The following VPS8 variants were observed in gnomAD, a reference collection of about 807,000 sequenced individuals.
The protein encoded by VPS8 is VPS8 subunit of CORVET complex, also known as vacuolar protein sorting-associated protein 8 homolog.
In VPS8, 129 loss-of-function variants were observed where a neutral mutation model predicts 216.4. That is an observed-to-expected ratio of 0.60 (90% CI 0.52 to 0.69). The LOEUF (loss-of-function observed/expected upper bound fraction) is 0.69, where lower values mean the gene tolerates loss of function less well. VPS8 is among the 30% of genes least tolerant of loss of function. The pLI, the probability that VPS8 is intolerant of heterozygous loss-of-function variation, is 0.00. For synonymous variants in VPS8, 571 were observed against 565.4 expected (o/e 1.01, Z -0.14); for missense variants, 1,531 against 1,683.5 (o/e 0.91, Z 1.59).
intron 40 of VPS8, among the ~76,000 whole-genome samples, chr3:184,977,297 A>G (rs1749434741): frequency 6.6e-6 from 1 of 152,060 alleles, no homozygotes; most frequent in South Asian, 2.1e-4. Flanking sequence ...CCCACTTTGT[A>G]ATGGAGTTAT....
At chr3:184,858,247 T>G (rs1215450226) in intron 14 of VPS8, among the ~76,000 whole-genome samples, 1 of 152,168 alleles carries the variant, frequency 6.6e-6, no homozygotes, top group Non-Finnish European at 1.5e-5. Flanking sequence ...TACATATAAA[T>G]AAAAGATTGA....
At chr3:184,825,660 A>T (rs940104782) in intron 2 of VPS8, among the ~76,000 whole-genome samples, 2 of 152,148 alleles carry the variant, frequency 1.3e-5, no homozygotes, top group African/African-American at 4.8e-5. Flanking sequence ...CCAGCACTTT[A>T]TGAGGCCGAG....
At chr3:185,029,164 C>T (rs1361333341) in intron 46 of VPS8, among the ~76,000 whole-genome samples, 4 of 152,156 alleles carry the variant, frequency 2.6e-5, no homozygotes, top group African/African-American at 7.2e-5. Flanking sequence ...TGCTTGTATG[C>T]TCATGTACAT....
intron 7 of VPS8, among the ~76,000 whole-genome samples, chr3:184,842,978 G>T (rs1577848571): frequency 6.7e-6 from 1 of 149,106 alleles, no homozygotes; most frequent in Non-Finnish European, 1.5e-5. Context: ...TTTTGAAATT[G>T]TTTTTGTTTT....
chr3:185,039,006 G>A (rs1195546095), intron 46 of VPS8, among the ~76,000 whole-genome samples: 2 of 152,176 alleles, frequency 1.3e-5, no homozygotes, highest in Non-Finnish European at 2.9e-5. Flanking sequence ...CAACATGGAT[G>A]GCAGGATGAA....
intron 22 of VPS8, among the ~76,000 whole-genome samples, chr3:184,887,965 T>C (rs551362598): frequency 4.7e-4 from 71 of 151,954 alleles, no homozygotes; most frequent in Non-Finnish European, 9.0e-4. Flanking sequence ...GTGTTTACAG[T>C]AGGGATCTTG....
At chr3:184,991,591 G>A (rs139596214) in intron 42 of VPS8, among the ~76,000 whole-genome samples, 393 of 152,078 alleles carry the variant, frequency 2.6e-3, no homozygotes, top group African/African-American at 9.2e-3. Context: ...CACCCTTGTC[G>A]AAAACACATG....
intron 36 of VPS8, among the ~76,000 whole-genome samples, chr3:184,951,521 C>A (rs1215380897): frequency 6.6e-6 from 1 of 151,018 alleles, no homozygotes; most frequent in African/African-American, 2.4e-5. Context: ...TTTTTCAAAA[C>A]TGATATATAT....
At chr3:185,000,350 G>A (rs957076065) in intron 45 of VPS8, among the ~76,000 whole-genome samples, 1 of 152,134 alleles carries the variant, frequency 6.6e-6, no homozygotes, top group African/African-American at 2.4e-5. Context: ...TTTTTTTAAA[G>A]CAGACAGTGG....
rs576296430 is a variant in VPS8 at position 184,929,933 on chromosome 3, A to C, written c.2799+269A>C. 7.9e-5 allele frequency among the ~76,000 whole-genome samples: 12 copies of C among 152,316 alleles called. No homozygotes were observed. The South Asian group carries it at 2.5e-3, about 32-fold the overall frequency. ...AGAGGATGATGGGGAACTGACTTAC[A>C]CAGAGTAGCCAGGGAAGGAATTTCA... On this transcript the variant is annotated intron_variant, in intron 33 of 47. Transcript: ENST00000625842.
At chr3:185,048,634 A>T (rs968727623) in intron 47 of VPS8, 75 bp downstream of exon 47, 1 of 1,528,874 alleles carries the variant, frequency 6.5e-7, no homozygotes, top group African/African-American at 1.4e-5. Context: ...AGTGTCTTGG[A>T]ACCTCCCTCT....
chr3:185,027,753 G>A (rs1359632673), intron 46 of VPS8, among the ~76,000 whole-genome samples: 1 of 152,112 alleles, frequency 6.6e-6, no homozygotes, highest in Non-Finnish European at 1.5e-5. Flanking sequence ...ACATCTGTCA[G>A]GGATGTGACA....
At chr3:184,821,807 G>A (rs914870418) in intron 1 of VPS8, among the ~76,000 whole-genome samples, 7 of 152,146 alleles carry the variant, frequency 4.6e-5, no homozygotes, top group South Asian at 2.1e-4. Flanking sequence ...AGCGAGCTGG[G>A]TGGGGAATGT....
chr3:184,824,439 T>G (rs1230038609), intron 1 of VPS8, 106 bp from the exon 2 acceptor site: 1 of 586,860 alleles, frequency 1.7e-6, no homozygotes, highest in Non-Finnish European at 2.9e-6. Flanking sequence ...AATCGGATGT[T>G]TAGGTGAAAT....
intron 27 of VPS8, 133 bp downstream of exon 27, chr3:184,915,186 A>G: frequency 7.6e-7 from 1 of 1,322,998 alleles, no homozygotes; most frequent in Non-Finnish European, 1.0e-6. Context: ...ACACACTATT[A>G]CTAAAGTCAA....
At chr3:185,013,200 C>T (rs112850492) in intron 45 of VPS8, among the ~76,000 whole-genome samples, 2,914 of 152,296 alleles carry the variant, frequency 0.019, 42 homozygotes, top group South Asian at 0.035. Flanking sequence ...TCATGGCCAT[C>T]ATGAGCATGT....
chr3:184,889,812 A>G (rs566246230), intron 22 of VPS8, among the ~76,000 whole-genome samples: 1 of 152,202 alleles, frequency 6.6e-6, no homozygotes, highest in Non-Finnish European at 1.5e-5. Context: ...TTTCTTTTTC[A>G]TCAGAATGTT....
At chr3:184,981,351 G>A (rs1304282985) in intron 40 of VPS8, among the ~76,000 whole-genome samples, 4 of 151,948 alleles carry the variant, frequency 2.6e-5, no homozygotes, top group Non-Finnish European at 5.9e-5. Context: ...AGCATGGACA[G>A]CAGTGGTGTG....
At chr3:184,941,209 T>C (rs566296909) in intron 36 of VPS8, among the ~76,000 whole-genome samples, 4 of 97,518 alleles carry the variant, frequency 4.1e-5, no homozygotes, top group African/African-American at 1.3e-4. Context: ...TACCAGTAAT[T>C]TTGTTGGTTG....
Sources: gnomAD v4.1 joint callset for allele counts (sites outside exome capture counted in the v4.1 genomes callset) on GRCh38, gnomAD v4.1.1 for gene constraint, MANE v1.5 for transcripts, NCBI Gene and HGNC (gene_info 2026-07-23, HGNC 2026-07-21) for gene names.